VPS8: variants seen among roughly 807,000 people sequenced by gnomAD.
VPS8 encodes the protein vacuolar protein sorting-associated protein 8 homolog.
In VPS8, 129 loss-of-function variants were observed where a neutral mutation model predicts 216.4. The observed-to-expected ratio is 0.60, with a 90% CI of 0.52 to 0.69. The LOEUF is 0.69. Ranked by LOEUF, VPS8 falls within the 30% of genes least tolerant of loss-of-function variation. The probability of loss-of-function intolerance (pLI) is 0.00; values close to 1 mark genes in which losing one functional copy is unlikely to be tolerated. For synonymous variants in VPS8, 571 were observed against 565.4 expected, an observed-to-expected ratio of 1.01 and a Z score of -0.14; for missense variants, 1,531 against 1,683.5, an observed-to-expected ratio of 0.91 and a Z score of 1.59.
intron 36 of VPS8, among the ~76,000 whole-genome samples, chr3:184,955,360 A>G (rs1576971734): frequency 6.6e-6 from 1 of 152,178 alleles, no homozygotes; most frequent in South Asian, 2.1e-4. Context: ...TTATAAGTGC[A>G]TAGAAGAAAA....
intron 1 of VPS8, among the ~76,000 whole-genome samples, chr3:184,821,407 G>A (rs1427382345): frequency 1.3e-5 from 2 of 151,670 alleles, no homozygotes; most frequent in South Asian, 2.1e-4. Flanking sequence ...GCAGTGGCGC[G>A]AACTTGGCTC....
At chr3:185,048,685 A>AT (rs1713499286) in intron 47 of VPS8, 126 bp downstream of exon 47, 2 of 964,550 alleles carry the variant, frequency 2.1e-6, no homozygotes. Context: ...CATCCCTGTT[A>AT]TGGCTACATG....
In VPS8 at chr3:184,864,496, A is replaced by G. The variant is rs756196702; in HGVS notation, c.1395+1429A>G. Among the ~76,000 whole-genome samples the G allele has an allele frequency of 3.7e-4, 57 of 152,208 alleles. 1 individual carries two copies. The highest frequency in any genetic ancestry group is 4.9e-4 in the Non-Finnish European group (33 of 68,036). The stretch of plus-strand genomic sequence containing the variant: ...CATAGAAGGAAATTGCCCAAGGACC[A>G]GGGAAGAGCCATTTGAAAGGTTTAG... On this transcript the variant is annotated intron_variant, in intron 16 of 47. Coordinates refer to ENST00000625842, the MANE Select transcript of VPS8 (RefSeq NM_001009921.3).
At chr3:184,870,497 A>G (rs1728136533) in intron 20 of VPS8, among the ~76,000 whole-genome samples, 1 of 152,206 alleles carries the variant, frequency 6.6e-6, no homozygotes, top group Non-Finnish European at 1.5e-5. Flanking sequence ...GGTCTAGAAC[A>G]TGGAGATATT....
intron 35 of VPS8, 57 bp downstream of exon 35, chr3:184,936,392 A>G: frequency 7.0e-7 from 1 of 1,422,436 alleles, no homozygotes. Flanking sequence ...CAATTATTAA[A>G]TCGTCACCTA....
chr3:184,941,232 G>A (rs1576919156), intron 36 of VPS8, among the ~76,000 whole-genome samples: 1 of 57,664 alleles, frequency 1.7e-5, no homozygotes, highest in South Asian at 5.0e-4. Context: ...AAATTTTTTT[G>A]AAAGCTCAAC....
intron 40 of VPS8, among the ~76,000 whole-genome samples, chr3:184,982,047 A>G (rs1247252953): frequency 6.6e-6 from 1 of 152,132 alleles, no homozygotes; most frequent in Non-Finnish European, 1.5e-5. Flanking sequence ...GACTTAGGAA[A>G]TACAAGATAA....
intron 29 of VPS8, chr3:184,922,325 C>G (rs1738779283): frequency 2.5e-6 from 1 of 403,012 alleles, no homozygotes; most frequent in African/African-American, 2.1e-5. Context: ...GTCATGTTTA[C>G]ATATTTTCTT....
chr3:184,963,011 G>A (rs1286820342), intron 37 of VPS8, among the ~76,000 whole-genome samples: 2 of 151,850 alleles, frequency 1.3e-5, no homozygotes, highest in African/African-American at 4.8e-5. Flanking sequence ...ATGACTCTGT[G>A]GGTTCCATTC....
At chr3:184,937,209 T>G (rs1560765588) in intron 35 of VPS8, among the ~76,000 whole-genome samples, 1 of 152,208 alleles carries the variant, frequency 6.6e-6, no homozygotes. Context: ...GTATTCCACT[T>G]ACCACTTACC....
Position 185,052,217 on chromosome 3 carries a change from T to G in VPS8, c.*192T>G, listed in dbSNP as rs1365637031. On this transcript the variant is annotated 3_prime_UTR_variant, in exon 48 of 48. Coordinates refer to ENST00000625842, the MANE Select transcript of VPS8 (RefSeq NM_001009921.3). ...ACTCCCAGTCTTCTCCACATTGCTG[T>G]CATGGCGTCAGTTCACCAGACTCAT... 1.9e-6 allele frequency: 1 copy of G among 539,762 alleles called. No homozygotes were observed. Among genetic ancestry groups the G allele is most frequent in the Non-Finnish European group, 3.1e-6 (1 of 319,382 alleles). 33.4% of individuals were successfully genotyped at this position (539,762 alleles called of 1,614,324 possible).
At chr3:185,007,437 G>C (rs370729756) in intron 45 of VPS8, among the ~76,000 whole-genome samples, 18 of 152,220 alleles carry the variant, frequency 1.2e-4, no homozygotes, top group South Asian at 1.0e-3. Flanking sequence ...GCATTGATTA[G>C]CATGAGAAGA....
chr3:184,828,502 T>C (rs1008207182), intron 3 of VPS8, among the ~76,000 whole-genome samples: 1 of 152,182 alleles, frequency 6.6e-6, no homozygotes, highest in African/African-American at 2.4e-5. Context: ...ATTTAGGACA[T>C]GAAAGAATGT....
intron 46 of VPS8, among the ~76,000 whole-genome samples, chr3:185,040,933 T>C (rs1396769401): frequency 1.3e-5 from 2 of 152,272 alleles, no homozygotes; most frequent in Admixed American, 6.5e-5. Context: ...CCAGGCGCGG[T>C]GGCTCATGCC....
intron 25 of VPS8, among the ~76,000 whole-genome samples, chr3:184,906,959 A>C (rs1453740742): frequency 6.6e-6 from 1 of 152,146 alleles, no homozygotes; most frequent in African/African-American, 2.4e-5. Flanking sequence ...TAACCTGTTA[A>C]AGTTATCTGA....
chr3:184,987,464 A>G (rs559992373), intron 42 of VPS8, among the ~76,000 whole-genome samples: 9 of 151,996 alleles, frequency 5.9e-5, no homozygotes, highest in African/African-American at 1.2e-4. Flanking sequence ...CCAGAATGTC[A>G]TATAGTTGGA....
At chr3:184,890,448 CATATT>C (rs1315178223) in intron 22 of VPS8, among the ~76,000 whole-genome samples, 1 of 152,024 alleles carries the variant, frequency 6.6e-6, no homozygotes, top group African/African-American at 2.4e-5. Context: ...TTTATTTTCA[CATATT>C]ATATTGTTTC....
intron 14 of VPS8, among the ~76,000 whole-genome samples, chr3:184,857,649 A>G (rs909254745): frequency 2.0e-5 from 3 of 152,156 alleles, no homozygotes; most frequent in Non-Finnish European, 2.9e-5. Flanking sequence ...TCTTCCTAAA[A>G]TGTCACTTTA....
intron 45 of VPS8, among the ~76,000 whole-genome samples, chr3:185,007,462 T>A (rs887983970): frequency 6.6e-6 from 1 of 152,254 alleles, no homozygotes; most frequent in Non-Finnish European, 1.5e-5. Flanking sequence ...AGCTTGCTAT[T>A]AATTGTTTAA....
Sources: allele counts gnomAD v4.1 joint callset (sites outside exome capture counted in the v4.1 genomes callset), GRCh38; gene constraint gnomAD v4.1.1; transcripts MANE v1.5; gene names NCBI Gene and HGNC (gene_info 2026-07-23, HGNC 2026-07-21).